Variants in ATL2 observed in about 807,000 individuals in gnomAD.
ATL2 encodes atlastin GTPase 2.
A neutral mutation model predicts 73.9 loss-of-function variants in ATL2; 31 were observed. The observed-to-expected ratio is 0.42, with a 90% CI of 0.32 to 0.57. The LOEUF (loss-of-function observed/expected upper bound fraction) is 0.57. Ranked by LOEUF, ATL2 falls within the 20% of genes least tolerant of loss-of-function variation. The pLI is 0.14. For missense variants in ATL2, 738 were observed against 702.6 expected, an observed-to-expected ratio of 1.05 and a Z score of -0.57; for synonymous variants, 291 against 237.5, an observed-to-expected ratio of 1.23 and a Z score of -2.07.
chr2:38,354,968 A>G (rs1298144631), intron 1 of ATL2, among the ~76,000 whole-genome samples: 3 of 152,318 alleles, frequency 2.0e-5, no homozygotes, highest in South Asian at 4.1e-4. Context: ...AAAGTAAAAA[A>G]TAAGAACAAA....
chr2:38,304,237 A>G (rs1667336219), intron 9 of ATL2, among the ~76,000 whole-genome samples: 1 of 152,196 alleles, frequency 6.6e-6, no homozygotes, highest in Non-Finnish European at 1.5e-5. Flanking sequence ...AGGCCAGGAG[A>G]GAGTAGCATG....
At chr2:38,372,785 G>A (rs1240504678) in intron 1 of ATL2, among the ~76,000 whole-genome samples, 4 of 152,016 alleles carry the variant, frequency 2.6e-5, no homozygotes, top group Non-Finnish European at 1.5e-5. Context: ...AACCACCTCC[G>A]ACAGAATATT....
At chr2:38,345,065 C>G (rs1669943580) in intron 1 of ATL2, among the ~76,000 whole-genome samples, 2 of 152,204 alleles carry the variant, frequency 1.3e-5, no homozygotes, top group South Asian at 4.1e-4. Context: ...GGACACATAC[C>G]TTGTCTGACT....
At chr2:38,325,693 C>CCA (rs1558411991) in intron 2 of ATL2, among the ~76,000 whole-genome samples, 9 of 60,574 alleles carry the variant, frequency 1.5e-4, no homozygotes, top group East Asian at 5.0e-4. Context: ...CACACACACA[C>CCA]ACCAGTACAC....
chr2:38,362,697 A>G (rs1671079649), intron 1 of ATL2, among the ~76,000 whole-genome samples: 1 of 152,262 alleles, frequency 6.6e-6, no homozygotes. Flanking sequence ...CTACAGATTC[A>G]GTAGTAAAAC....
chr2:38,344,340 G>C (rs2124413355), intron 1 of ATL2, among the ~76,000 whole-genome samples: 1 of 152,178 alleles, frequency 6.6e-6, no homozygotes, highest in South Asian at 2.1e-4. Flanking sequence ...CATGTGGCTG[G>C]GTGCAGTGGG....
chr2:38,323,322 G>A (rs1668423971), intron 2 of ATL2, among the ~76,000 whole-genome samples: 2 of 144,798 alleles, frequency 1.4e-5, no homozygotes, highest in African/African-American at 2.5e-5. Flanking sequence ...AAACTCAACT[G>A]CAAAAGGCAA....
intron 1 of ATL2, among the ~76,000 whole-genome samples, chr2:38,360,114 G>C (rs1670919958): frequency 7.5e-6 from 1 of 132,456 alleles, no homozygotes. Flanking sequence ...CCTGGGCAGA[G>C]CAAGGCTCCA....
chr2:38,352,341 C>A (rs891482451), intron 1 of ATL2, among the ~76,000 whole-genome samples: 1 of 152,082 alleles, frequency 6.6e-6, no homozygotes, highest in African/African-American at 2.4e-5. Flanking sequence ...AGACAAAATA[C>A]ATGAAGCATT....
chr2:38,359,134 C>G (rs1440873780), intron 1 of ATL2, among the ~76,000 whole-genome samples: 1 of 152,164 alleles, frequency 6.6e-6, no homozygotes, highest in Non-Finnish European at 1.5e-5. Context: ...TTGTCCCTTT[C>G]TAGCCAACAA....
intron 1 of ATL2, among the ~76,000 whole-genome samples, chr2:38,351,112 AT>A (rs1223604126): frequency 1.3e-5 from 2 of 152,124 alleles, no homozygotes; most frequent in Non-Finnish European, 2.9e-5. Context: ...ACAAATTTTC[AT>A]GGAAAGTAAC....
At chr2:38,305,165 A>G (rs950727159) in intron 9 of ATL2, among the ~76,000 whole-genome samples, 19 of 152,234 alleles carry the variant, frequency 1.2e-4, no homozygotes, top group African/African-American at 4.1e-4. Context: ...GCAAGAGGAT[A>G]TAACAATTGT....
At chr2:38,326,025 C>G (rs1262186515) in intron 2 of ATL2, among the ~76,000 whole-genome samples, 1 of 151,820 alleles carries the variant, frequency 6.6e-6, no homozygotes, top group Non-Finnish European at 1.5e-5. Context: ...GGAGACTGAG[C>G]TCAGGAGTTC....
At chr2:38,327,537 G>A (rs1012740008) in intron 2 of ATL2, among the ~76,000 whole-genome samples, 21 of 71,854 alleles carry the variant, frequency 2.9e-4, no homozygotes, top group East Asian at 6.8e-4. Flanking sequence ...AAAAAAAAAA[G>A]TACAAAAAAA....
At chr2:38,361,296 G>A (rs1671001632) in intron 1 of ATL2, among the ~76,000 whole-genome samples, 1 of 149,000 alleles carries the variant, frequency 6.7e-6, no homozygotes, top group South Asian at 2.1e-4. Flanking sequence ...GGAGCCTGCA[G>A]CGAGCCGAGA....
rs575263191 is a variant in ATL2 at position 38,347,570 on chromosome 2, G to A, written c.119-4058C>T. Reference sequence around the variant, plus strand: ...TTCCTAAAACAACCTTTTTTCATTCGTTTAAATGTGTACCTGATATCTCCC... The same window carrying A: ...TTCCTAAAACAACCTTTTTTCATTCATTTAAATGTGTACCTGATATCTCCC... On this transcript the variant is annotated intron_variant, in intron 1 of 12. Transcript: ENST00000378954. 6.6e-5 allele frequency among the ~76,000 whole-genome samples: 10 copies of A among 151,738 alleles called. No homozygotes were observed. The East Asian group carries it at 9.7e-4, about 15-fold the overall frequency.
chr2:38,350,757 T>G (rs1670291816), intron 1 of ATL2, among the ~76,000 whole-genome samples: 1 of 151,814 alleles, frequency 6.6e-6, no homozygotes, highest in African/African-American at 2.4e-5. Context: ...AAGCTAAAAT[T>G]GCTCTAAAAA....
chr2:38,318,673 A>G (rs781013175), intron 3 of ATL2, 34 bp from the exon 4 acceptor site: 88 of 1,511,074 alleles, frequency 5.8e-5, no homozygotes, highest in Non-Finnish European at 7.8e-5. Context: ...ATTTAGTAAA[A>G]CAGTTGCCAA....
chr2:38,327,856 A>G (rs890322077), intron 2 of ATL2, among the ~76,000 whole-genome samples: 1 of 152,166 alleles, frequency 6.6e-6, no homozygotes, highest in African/African-American at 2.4e-5. Context: ...GAACCATTTG[A>G]ATCAGAGAGG....
Sources: gnomAD v4.1 joint callset for allele counts (sites outside exome capture counted in the v4.1 genomes callset) on GRCh38, gnomAD v4.1.1 for gene constraint, MANE v1.5 for transcripts, NCBI Gene and HGNC (gene_info 2026-07-23, HGNC 2026-07-21) for gene names.